The following MKLN1 variants were observed in gnomAD, a reference collection of about 807,000 sequenced individuals.
MKLN1 encodes the protein muskelin.
A neutral mutation model predicts 99.0 loss-of-function variants in MKLN1; 18 were observed. The observed-to-expected ratio is 0.18, with a 90% CI of 0.13 to 0.27. The LOEUF is 0.27. Among genes scored for constraint, MKLN1 ranks in the 10% least tolerant of loss-of-function variants. The pLI, the probability that MKLN1 is intolerant of heterozygous loss-of-function variation, is 1.00. For missense variants in MKLN1, 621 were observed against 875.9 expected (o/e 0.71, Z 3.67); for synonymous variants, 288 against 293.2 (o/e 0.98, Z 0.18).
At chr7:131,138,799 C>CT (rs1795689214) in intron 1 of MKLN1, among the ~76,000 whole-genome samples, 1 of 152,138 alleles carries the variant, frequency 6.6e-6, no homozygotes. Context: ...TACCAATGTT[C>CT]TTTATCTCCT....
intron 2 of MKLN1, among the ~76,000 whole-genome samples, chr7:131,151,472 A>T (rs1278598742): frequency 6.6e-6 from 1 of 152,228 alleles, no homozygotes; most frequent in Non-Finnish European, 1.5e-5. Context: ...AGATTATCCT[A>T]TTACACCAAA....
chr7:131,412,279 G>T (rs1032253004), intron 7 of MKLN1, among the ~76,000 whole-genome samples: 2 of 152,154 alleles, frequency 1.3e-5, no homozygotes, highest in East Asian at 3.8e-4. Context: ...TTTGTTAGAG[G>T]CATGGTGTAA....
At chr7:131,335,569 A>G (rs1190590222) in intron 1 of MKLN1, among the ~76,000 whole-genome samples, 1 of 152,112 alleles carries the variant, frequency 6.6e-6, no homozygotes, top group Non-Finnish European at 1.5e-5. Flanking sequence ...TTTAGTCCTA[A>G]GACTATAGGG....
chr7:131,262,654 G>A (rs890014874), intron 3 of MKLN1, among the ~76,000 whole-genome samples: 2 of 151,570 alleles, frequency 1.3e-5, no homozygotes, highest in East Asian at 3.9e-4. Flanking sequence ...GGGTTCAAGC[G>A]ATTCTCCTCC....
chr7:131,349,348 A>G (rs1005513701), intron 1 of MKLN1, among the ~76,000 whole-genome samples: 1 of 152,108 alleles, frequency 6.6e-6, no homozygotes, highest in Non-Finnish European at 1.5e-5. Flanking sequence ...GGTGCGTGCC[A>G]CCACGCCCAG....
intron 1 of MKLN1, among the ~76,000 whole-genome samples, chr7:131,329,311 G>T (rs1453881172): frequency 6.6e-6 from 1 of 152,206 alleles, no homozygotes; most frequent in Non-Finnish European, 1.5e-5. Context: ...GCCCAATGAA[G>T]GGTGCCAAGT....
Position 131,491,249 on chromosome 7 carries a change from C to T in MKLN1, c.*3521C>T, listed in dbSNP as rs1005986987. On this transcript the variant is annotated 3_prime_UTR_variant, in exon 18 of 18. Coordinates refer to ENST00000352689, the MANE Select transcript of MKLN1 (RefSeq NM_013255.5). ...AAAAAAAACACCCTTCCTAACCCTT[C>T]TTTTCTTAAAATTCCACATTCATCC... is the stretch of plus-strand genomic sequence containing the variant. The T allele has an allele frequency of 5.3e-5, 8 of 151,936 alleles. No individual in the cohort carries two copies. The highest frequency in any genetic ancestry group is 4.4e-5 in the Non-Finnish European group (3 of 67,956). The allele number at this position is 151,936 out of a possible 1,614,324, so 9.4% of individuals were successfully genotyped here.
At chr7:131,155,912 AT>A (rs1188880631) in intron 2 of MKLN1, among the ~76,000 whole-genome samples, 4 of 152,192 alleles carry the variant, frequency 2.6e-5, no homozygotes, top group African/African-American at 9.7e-5. Context: ...TGTTAGGGAA[AT>A]GGGATTTGGC....
At chr7:131,423,034 G>A (rs560058446) in intron 8 of MKLN1, among the ~76,000 whole-genome samples, 2 of 152,240 alleles carry the variant, frequency 1.3e-5, no homozygotes, top group Non-Finnish European at 2.9e-5. Context: ...GAAAAGCCAC[G>A]TCTATTTTGT....
intron 3 of MKLN1, among the ~76,000 whole-genome samples, chr7:131,282,013 C>T (rs1229636905): frequency 1.3e-5 from 2 of 151,986 alleles, no homozygotes; most frequent in African/African-American, 4.8e-5. Context: ...TATCATGGTG[C>T]TTTACTGCTT....
At chr7:131,449,248 G>T (rs776479317) in intron 12 of MKLN1, among the ~76,000 whole-genome samples, 1 of 152,194 alleles carries the variant, frequency 6.6e-6, no homozygotes, top group African/African-American at 2.4e-5. Flanking sequence ...GGACTGGTAC[G>T]TATTGAGGAT....
Position 131,254,290 on chromosome 7 carries a change from A to G in MKLN1, c.-179+51316A>G, listed in dbSNP as rs542714062. Reference sequence around the variant, plus strand: ...CCACATCACTAAAGAAATAAACAAAAACAGTAAGTCCTGGGTTGGAAGTAT... The same window carrying G: ...CCACATCACTAAAGAAATAAACAAAGACAGTAAGTCCTGGGTTGGAAGTAT... On this transcript the variant is annotated intron_variant, in intron 3 of 7. Coordinates refer to the MKLN1 transcript ENST00000416992. Among the ~76,000 whole-genome samples the G allele has an allele frequency of 6.6e-5, 10 of 152,318 alleles. No homozygotes were observed. The South Asian group carries it at 2.1e-3, about 32-fold the overall frequency.
At chr7:131,410,138 TG>T (rs1156386188) in intron 6 of MKLN1, among the ~76,000 whole-genome samples, 4 of 151,972 alleles carry the variant, frequency 2.6e-5, no homozygotes, top group African/African-American at 9.7e-5. Context: ...GGTGTGTATG[TG>T]GGGGGATGTA....
At chr7:131,369,917 A>G (rs959769976) in intron 1 of MKLN1, among the ~76,000 whole-genome samples, 6 of 150,758 alleles carry the variant, frequency 4.0e-5, no homozygotes, top group Admixed American at 3.3e-4. Context: ...GCTCACTGCA[A>G]CCTCTGCCTC....
chr7:131,362,592 C>G (rs1352512412), intron 1 of MKLN1, among the ~76,000 whole-genome samples: 1 of 151,972 alleles, frequency 6.6e-6, no homozygotes, highest in African/African-American at 2.4e-5. Flanking sequence ...ATGTATCTGT[C>G]TAGTTCCAAT....
chr7:131,369,973 A>G (rs1800296492), intron 1 of MKLN1, among the ~76,000 whole-genome samples: 1 of 152,100 alleles, frequency 6.6e-6, no homozygotes, highest in Admixed American at 6.5e-5. Context: ...GGTAGCTGGG[A>G]TTACGGGCAC....
At chr7:131,418,840 T>C (rs1563338601) in intron 8 of MKLN1, among the ~76,000 whole-genome samples, 1 of 152,212 alleles carries the variant, frequency 6.6e-6, no homozygotes, top group African/African-American at 2.4e-5. Flanking sequence ...TTCCAATGTC[T>C]GGAAGCAGAA....
At chr7:131,383,720 T>C (rs1359557332) in intron 2 of MKLN1, among the ~76,000 whole-genome samples, 1 of 152,218 alleles carries the variant, frequency 6.6e-6, no homozygotes, top group Non-Finnish European at 1.5e-5. Context: ...AGAAACTATG[T>C]CATCATCCTT....
intron 17 of MKLN1, among the ~76,000 whole-genome samples, chr7:131,482,374 T>C (rs182541590): frequency 2.2e-4 from 33 of 152,262 alleles, no homozygotes; most frequent in African/African-American, 7.0e-4. Flanking sequence ...TTTTTTTCCT[T>C]TTTTACATTT....
Sources: gnomAD v4.1 joint callset for allele counts (sites outside exome capture counted in the v4.1 genomes callset) on GRCh38, gnomAD v4.1.1 for gene constraint, MANE v1.5 for transcripts, NCBI Gene and HGNC (gene_info 2026-07-23, HGNC 2026-07-21) for gene names.